Variants in RIC1 observed in about 807,000 individuals in gnomAD.
RIC1 encodes guanine nucleotide exchange factor subunit RIC1.
A neutral mutation model predicts 169.0 loss-of-function variants in RIC1; 88 were observed. The ratio of observed to expected loss-of-function variants is 0.52; its 90% CI spans 0.44 to 0.62. The LOEUF (loss-of-function observed/expected upper bound fraction) is 0.62. RIC1 is among the 20% of genes least tolerant of loss of function. The pLI is 0.00. For missense variants in RIC1, 1,877 were observed against 1,725.5 expected (o/e 1.09, Z -1.56); for synonymous variants, 790 against 601.5 (o/e 1.31, Z -4.59).
chr9:5,720,461 G>C (rs566043148), intron 5 of RIC1, 137 bp downstream of exon 5: 90 of 1,125,946 alleles, frequency 8.0e-5, no homozygotes, highest in Non-Finnish European at 1.1e-4. Flanking sequence ...GGCGGGGTGA[G>C]AGAGGCATTT....
chr9:5,679,954 C>G (rs199949006), intron 2 of RIC1, among the ~76,000 whole-genome samples: 4 of 152,112 alleles, frequency 2.6e-5, no homozygotes, highest in Non-Finnish European at 5.9e-5. Flanking sequence ...TTTTGTCCAT[C>G]CAGTATAATA....
At chr9:5,744,378 T>C (rs1825260654) in intron 10 of RIC1, among the ~76,000 whole-genome samples, 1 of 152,148 alleles carries the variant, frequency 6.6e-6, no homozygotes, top group Non-Finnish European at 1.5e-5. Flanking sequence ...TTGAGCATAT[T>C]TTTTAAAATT....
intron 2 of RIC1, among the ~76,000 whole-genome samples, chr9:5,671,266 T>C (rs1262799599): frequency 6.7e-6 from 1 of 149,248 alleles, no homozygotes. Context: ...TTTATTATTA[T>C]TATTATTATT....
chr9:5,668,227 C>G (rs888532522), intron 2 of RIC1, among the ~76,000 whole-genome samples: 1 of 138,136 alleles, frequency 7.2e-6, no homozygotes, highest in African/African-American at 2.5e-5. Flanking sequence ...CCCGCCAGGT[C>G]CCTCCCATGA....
chr9:5,769,082 G>A lies in RIC1; in HGVS notation c.3250G>A (p.Ala1084Thr), dbSNP rs1254124571. 3 of 1,613,994 alleles carry A rather than the reference G, an allele frequency of 1.9e-6. No individual in the cohort carries two copies. Among genetic ancestry groups the A allele is most frequent in the Non-Finnish European group, 2.5e-6 (3 of 1,179,998 alleles). The change falls in exon 22 of 26, where the codon GCC becomes ACC. Residue 1084 changes from alanine to threonine, a missense_variant. Transcript: ENST00000414202. ...VRLKDLGCFAAQLGFELISWL... is the reference protein window; with the variant it reads ...VRLKDLGCFATQLGFELISWL... ...GTTAAAGGACCTTGGCTGCTTTGCA[G>A]CCCAGCTGGGCTTTGAACTAATTAG... is the stretch of plus-strand genomic sequence containing the variant.
chr9:5,724,140 G>T (rs4294241), intron 6 of RIC1, among the ~76,000 whole-genome samples: 66,173 of 151,924 alleles, frequency 0.44, 15,590 homozygotes, highest in East Asian at 0.85. Flanking sequence ...ATCTATAAAT[G>T]ACCTTGGGCA....
At chr9:5,776,901 A>G (rs1827619887), downstream of RIC1, among the ~76,000 whole-genome samples, 2 of 152,256 alleles carry the variant, frequency 1.3e-5, no homozygotes, top group Admixed American at 1.3e-4. Flanking sequence ...AAGCGGGATT[A>G]AAAAGTACTT....
At chr9:5,759,734 A>G (rs929810567) in intron 17 of RIC1, among the ~76,000 whole-genome samples, 2 of 152,228 alleles carry the variant, frequency 1.3e-5, no homozygotes, top group Non-Finnish European at 2.9e-5. Flanking sequence ...ATGTAGAAGT[A>G]AAATGGGTAG....
At chr9:5,667,404 T>C (rs1371747881) in intron 2 of RIC1, among the ~76,000 whole-genome samples, 1 of 152,198 alleles carries the variant, frequency 6.6e-6, no homozygotes, top group East Asian at 1.9e-4. Context: ...TTTTATTATT[T>C]CCTTTCTTCT....
intron 2 of RIC1, among the ~76,000 whole-genome samples, chr9:5,679,800 A>G (rs1428537001): frequency 2.6e-5 from 4 of 152,174 alleles, no homozygotes; most frequent in African/African-American, 9.7e-5. Context: ...GGACAATTTG[A>G]CTTCCTCTTT....
intron 3 of RIC1, among the ~76,000 whole-genome samples, chr9:5,711,636 T>TA (rs1822932284): frequency 6.6e-6 from 1 of 152,096 alleles, no homozygotes; most frequent in South Asian, 2.1e-4. Context: ...GCAGGTTTGT[T>TA]ACATATGTAT....
intron 12 of RIC1, among the ~76,000 whole-genome samples, chr9:5,750,585 C>CA (rs1825662119): frequency 6.6e-6 from 1 of 151,810 alleles, no homozygotes; most frequent in Non-Finnish European, 1.5e-5. Flanking sequence ...AGGCAGGAGA[C>CA]AGAGTTTTAG....
chr9:5,693,227 C>G (rs568652460), intron 3 of RIC1, among the ~76,000 whole-genome samples: 161 of 152,262 alleles, frequency 1.1e-3, no homozygotes, highest in Admixed American at 2.0e-3. Context: ...TCTCTCGTTT[C>G]TCTTCTGTAA....
chr9:5,756,494 T>A (rs1586698558), intron 16 of RIC1, 122 bp downstream of exon 16: 1 of 563,346 alleles, frequency 1.8e-6, no homozygotes, highest in Non-Finnish European at 2.8e-6. Flanking sequence ...TTGTTAGAGG[T>A]AAAAAAAGCA....
intron 2 of RIC1, among the ~76,000 whole-genome samples, chr9:5,687,349 T>A (rs2130691939): frequency 6.6e-6 from 1 of 152,338 alleles, no homozygotes; most frequent in Non-Finnish European, 1.5e-5. Flanking sequence ...TGATCTCTGT[T>A]ATTTGCATGC....
chr9:5,765,791 GGAAAA>G lies in RIC1; in HGVS notation c.3131_3135del (p.Gly1044GlufsTer7). 6.2e-7 allele frequency: 1 copy of G among 1,613,596 alleles called. No homozygotes were observed. Among genetic ancestry groups the G allele is most frequent in the Non-Finnish European group, 8.5e-7 (1 of 1,179,874 alleles). The stretch of plus-strand genomic sequence containing the variant: ...ACTAAGTATGCCATCTGGTCCCTCT[GGAAAA>G]AGGTAAAATAATAAAGAGCCATTAC... On this transcript the variant is annotated frameshift_variant and splice_region_variant, in exon 21 of 26. Transcript: ENST00000414202. LOFTEE classifies it high-confidence loss of function.
chr9:5,697,649 G>A (rs559212887), intron 3 of RIC1, among the ~76,000 whole-genome samples: 1 of 152,144 alleles, frequency 6.6e-6, no homozygotes, highest in African/African-American at 2.4e-5. Context: ...TGGAGTTTTA[G>A]GAAAAGAAAT....
intron 2 of RIC1, among the ~76,000 whole-genome samples, chr9:5,676,284 C>A (rs1195076603): frequency 6.6e-6 from 1 of 152,160 alleles, no homozygotes; most frequent in African/African-American, 2.4e-5. Flanking sequence ...TTTAATGATT[C>A]TTTTCCTCAA....
chr9:5,680,073 GC>G (rs974388724), intron 2 of RIC1, among the ~76,000 whole-genome samples: 8 of 152,132 alleles, frequency 5.3e-5, no homozygotes, highest in African/African-American at 1.9e-4. Flanking sequence ...TTTGTCAAAG[GC>G]CTTTTCTGCA....
Sources: gnomAD v4.1 joint callset for allele counts (sites outside exome capture counted in the v4.1 genomes callset) on GRCh38, gnomAD v4.1.1 for gene constraint, MANE v1.5 for transcripts, NCBI Gene and HGNC (gene_info 2026-07-23, HGNC 2026-07-21) for gene names.